The following CHMP6 variants were observed in gnomAD, a reference collection of about 807,000 sequenced individuals.
The protein encoded by CHMP6 is charged multivesicular body protein 6, also known as chromatin-modifying protein 6.
A neutral mutation model predicts 32.8 loss-of-function variants in CHMP6; 10 were observed. That is an observed-to-expected ratio of 0.30 (90% CI 0.19 to 0.52). The LOEUF is 0.52. Ranked by LOEUF, CHMP6 falls within the 20% of genes least tolerant of loss-of-function variation. CHMP6 has a pLI of 0.97. For missense variants in CHMP6, 269 were observed against 263.8 expected, an observed-to-expected ratio of 1.02 and a Z score of -0.14; for synonymous variants, 123 against 105.8, an observed-to-expected ratio of 1.16 and a Z score of -1.00.
At chr17:80,998,788 T>C in intron 7 of CHMP6, 1 of 917,274 alleles carries the variant, frequency 1.1e-6, no homozygotes, top group Non-Finnish European at 1.5e-6. Flanking sequence ...ACCTGCCCAC[T>C]GGGAAGCTGA....
intron 4 of CHMP6, 64 bp from the exon 5 acceptor site, chr17:80,996,943 C>T: frequency 6.7e-7 from 1 of 1,485,836 alleles, no homozygotes; most frequent in Non-Finnish European, 9.2e-7. Context: ...GCCCAGGAGG[C>T]CTCTGTCGGG....
intron 4 of CHMP6, among the ~76,000 whole-genome samples, chr17:80,996,683 G>A (rs1056604718): frequency 5.3e-5 from 8 of 152,232 alleles, no homozygotes; most frequent in Admixed American, 2.6e-4. Context: ...GGCATCGGGC[G>A]CCAGGGCAGT....
chr17:80,996,733 G>A (rs980868548), intron 4 of CHMP6, among the ~76,000 whole-genome samples: 5 of 152,226 alleles, frequency 3.3e-5, no homozygotes, highest in African/African-American at 1.2e-4. Flanking sequence ...AACGGCCCCT[G>A]TGGCCTCAGG....
chr17:80,997,664 A>C (rs73359595), intron 6 of CHMP6, among the ~76,000 whole-genome samples: 5,085 of 152,008 alleles, frequency 0.033, 264 homozygotes, highest in African/African-American at 0.12. Context: ...CACGTCCCAC[A>C]TAGGCCCTCG....
rs1462791762 is a variant in CHMP6 at position 80,991,878 on chromosome 17, G to T, written c.-41G>T. Reference sequence around the variant, plus strand: ...ACGGTGGCCGCGGGGCGGCGGTGGCGATTGGACTTGGTGGGTCCCGGGCCA... The same window carrying T: ...ACGGTGGCCGCGGGGCGGCGGTGGCTATTGGACTTGGTGGGTCCCGGGCCA... On this transcript the variant is annotated 5_prime_UTR_variant, in exon 1 of 8. Coordinates refer to ENST00000325167, the MANE Select transcript of CHMP6 (RefSeq NM_024591.5). 1.7e-5 allele frequency: 23 copies of T among 1,369,744 alleles called. No homozygotes were observed. Among genetic ancestry groups the T allele is most frequent in the Non-Finnish European group, 2.2e-5 (23 of 1,048,280 alleles). The allele number at this position is 1,369,744 out of a possible 1,614,324, so 84.8% of individuals were successfully genotyped here.
chr17:80,997,098 C>T, intron 5 of CHMP6, 26 bp downstream of exon 5: 1 of 1,611,848 alleles, frequency 6.2e-7, no homozygotes, highest in Non-Finnish European at 8.5e-7. Context: ...ACCGGCCTGC[C>T]CCCAACTGTG....
At chr17:80,995,198 T>C (rs995002208) in intron 3 of CHMP6, 92 bp downstream of exon 3, 22 of 1,263,020 alleles carry the variant, frequency 1.7e-5, no homozygotes, top group Non-Finnish European at 2.3e-5. Flanking sequence ...TCCCGAGAGC[T>C]GAAAGCTCCT....
chr17:80,998,728 C>G (rs2069660760), intron 7 of CHMP6: 1 of 1,333,608 alleles, frequency 7.5e-7, no homozygotes, highest in Non-Finnish European at 9.7e-7. Flanking sequence ...AGGATTAGCC[C>G]TCAGCCAGGG....
intron 4 of CHMP6, among the ~76,000 whole-genome samples, chr17:80,996,476 C>G (rs1039078025): frequency 3.9e-5 from 6 of 152,206 alleles, no homozygotes; most frequent in African/African-American, 1.4e-4. Context: ...AGTTGGAGAG[C>G]CAGGGACTCA....
At chr17:80,994,742 C>T (rs1182316136) in intron 2 of CHMP6, 52 bp downstream of exon 2, 6 of 717,624 alleles carry the variant, frequency 8.4e-6, no homozygotes, top group Admixed American at 6.1e-5. Context: ...GTGGGGGGCC[C>T]GGGCAGCGTG....
At chr17:80,995,350 T>C (rs1368410105) in intron 3 of CHMP6, among the ~76,000 whole-genome samples, 6 of 152,164 alleles carry the variant, frequency 3.9e-5, no homozygotes, top group African/African-American at 1.4e-4. Flanking sequence ...GGGCCACCCC[T>C]GGGTGGTGTG....
At chr17:80,994,413 T>G (rs1234856614) in intron 1 of CHMP6, among the ~76,000 whole-genome samples, 168 bp from the exon 2 acceptor site, 1 of 152,136 alleles carries the variant, frequency 6.6e-6, no homozygotes, top group Non-Finnish European at 1.5e-5. Context: ...AGTCCCTGGC[T>G]TCCACCCCCA....
Position 80,999,139 on chromosome 17 carries a change from G to A in CHMP6, c.592G>A (p.Val198Met). ...VKARPRQAEL[V>M]AAS is the part of the protein sequence containing the mutation. Reference sequence around the variant, plus strand: ...GGCCAGGCCCAGGCAGGCGGAGCTGGTGGCAGCTTCGTAACGTGGCCTCGT... The same window carrying A: ...GGCCAGGCCCAGGCAGGCGGAGCTGATGGCAGCTTCGTAACGTGGCCTCGT... Residue 198 changes from valine to methionine, a missense_variant, in exon 8 of 8, where the codon GTG becomes ATG. Coordinates refer to ENST00000325167, the MANE Select transcript of CHMP6 (RefSeq NM_024591.5). The A allele has an allele frequency of 6.2e-7, 1 of 1,614,092 alleles. No homozygotes were observed. Among genetic ancestry groups the A allele is most frequent in the Non-Finnish European group, 8.5e-7 (1 of 1,179,976 alleles).
intron 1 of CHMP6, among the ~76,000 whole-genome samples, chr17:80,992,347 C>T (rs559068849): frequency 4.3e-4 from 65 of 152,116 alleles, no homozygotes; most frequent in Non-Finnish European, 8.5e-4. Flanking sequence ...CTTTCCCTGG[C>T]TCTGGGCCCG....
In CHMP6 at chr17:80,997,283, G is replaced by C. The variant is rs2069646025; in HGVS notation, c.437G>C (p.Gly146Ala). ...YQRQIDELLA[G>A]SFTQEDEDAI... ...CAGCAAATAGACGAGCTCCTGGCAGGAAGCTTCACTCAGGAGGATGAAGAC... is the reference window on the plus strand; with the variant it reads ...CAGCAAATAGACGAGCTCCTGGCAGCAAGCTTCACTCAGGAGGATGAAGAC... The change falls in exon 6 of 8, where the codon GGA becomes GCA. Residue 146 changes from glycine to alanine, a missense_variant. Coordinates refer to ENST00000325167, the MANE Select transcript of CHMP6 (RefSeq NM_024591.5). 2 of 1,612,092 alleles carry C rather than the reference G, an allele frequency of 1.2e-6. No individual in the cohort carries two copies. Among genetic ancestry groups the C allele is most frequent in the Non-Finnish European group, 8.5e-7 (1 of 1,178,798 alleles).
At position 80,995,034 on chromosome 17, in the gene CHMP6, G is replaced by C. The variant is rs1477633832; in HGVS notation, c.189G>C (p.Leu63=). The C allele has an allele frequency of 6.3e-6, 10 of 1,597,622 alleles. No homozygotes were observed. The highest frequency in any genetic ancestry group is 8.5e-6 in the Non-Finnish European group (10 of 1,174,132). ...RDGRKERAKL[L]LKKKRYQEQL... ...CCCTCTGCAGACGGGCCAAGCTGCT[G>C]CTCAAGAAGAAGCGATACCAGGAGC... Residue 63 remains leucine, a synonymous_variant, in exon 3 of 8, where the codon CTG becomes CTC. Coordinates refer to ENST00000325167, the MANE Select transcript of CHMP6 (RefSeq NM_024591.5).
At position 80,999,294 on chromosome 17, in the gene CHMP6, A is replaced by G. The variant is rs181284392; in HGVS notation, c.*141A>G. 140 of 882,028 alleles carry G rather than the reference A, an allele frequency of 1.6e-4. No homozygotes were observed. Among genetic ancestry groups the G allele is most frequent in the Non-Finnish European group, 2.2e-4 (125 of 562,156 alleles). The allele number at this position is 882,028 out of a possible 1,614,324, so 54.6% of individuals were successfully genotyped here. On this transcript the variant is annotated 3_prime_UTR_variant, in exon 8 of 8. Coordinates refer to ENST00000325167, the MANE Select transcript of CHMP6 (RefSeq NM_024591.5). ...AGCAGAGCTGCAGCCACGCAGGCGC[A>G]TTGCAGGAGGACTCCAGAGCGTCTC...
chr17:80,995,581 A>T, intron 3 of CHMP6, 91 bp from the exon 4 acceptor site: 1 of 1,103,812 alleles, frequency 9.1e-7, no homozygotes, highest in Non-Finnish European at 1.4e-6. Context: ...GCACCCGCCC[A>T]GCAAGGGTGT....
intron 1 of CHMP6, among the ~76,000 whole-genome samples, 188 bp from the exon 2 acceptor site, chr17:80,994,393 T>C (rs1045691682): frequency 3.3e-5 from 5 of 152,176 alleles, no homozygotes; most frequent in African/African-American, 1.2e-4. Flanking sequence ...TGTGGCAGGA[T>C]GTGGAGCTGA....
Sources: gnomAD v4.1 joint callset for allele counts (sites outside exome capture counted in the v4.1 genomes callset) on GRCh38, gnomAD v4.1.1 for gene constraint, MANE v1.5 for transcripts, NCBI Gene and HGNC (gene_info 2026-07-23, HGNC 2026-07-21) for gene names.